Variants in NUP210 observed in about 807,000 individuals in gnomAD.
NUP210 encodes the protein nucleoporin 210.
In NUP210, 151 loss-of-function variants were observed where a neutral mutation model predicts 196.0. The ratio of observed to expected loss-of-function variants is 0.77; its 90% confidence interval spans 0.67 to 0.88. The LOEUF (loss-of-function observed/expected upper bound fraction) is 0.88, where lower values mean the gene tolerates loss of function less well. Ranked by LOEUF, NUP210 falls within the 40% of genes least tolerant of loss-of-function variation. The probability of loss-of-function intolerance (pLI) is 0.00; values close to 1 mark genes in which losing one functional copy is unlikely to be tolerated. For synonymous variants in NUP210, 1,070 were observed against 1,052.7 expected (o/e 1.02, Z -0.32); for missense variants, 2,314 against 2,493.7 (o/e 0.93, Z 1.53).
chr3:13,412,571 G>A (rs540888612), intron 1 of NUP210, among the ~76,000 whole-genome samples: 10 of 151,966 alleles, frequency 6.6e-5, no homozygotes, highest in South Asian at 4.1e-4. Flanking sequence ...AAAATTAGCC[G>A]GGCATGGTGG....
chr3:13,317,817 C>A (rs1487208746), intron 39 of NUP210, 36 bp from the exon 40 acceptor site: 1 of 1,449,674 alleles, frequency 6.9e-7, no homozygotes, highest in Admixed American at 1.9e-5. Context: ...AGCAGCAGAG[C>A]CAGGGAAAGC....
At chr3:13,336,082 G>A (rs2470492) in intron 27 of NUP210, among the ~76,000 whole-genome samples, 1 of 152,208 alleles carries the variant, frequency 6.6e-6, no homozygotes, top group Non-Finnish European at 1.5e-5. Context: ...GTTCCCACTG[G>A]GTGGGGTCGG....
At chr3:13,344,992 G>C in intron 20 of NUP210, 1 of 985,410 alleles carries the variant, frequency 1.0e-6, no homozygotes, top group Non-Finnish European at 1.2e-6. Context: ...GGTGCCATCA[G>C]TGTTGATGGG....
chr3:13,332,222 G>A (rs2124845390), intron 29 of NUP210, 71 bp downstream of exon 29: 1 of 1,254,742 alleles, frequency 8.0e-7, no homozygotes, highest in African/African-American at 1.5e-5. Context: ...TCCTGACAGT[G>A]TTGACACATG....
At chr3:13,322,436 A>C (rs1019021393) in intron 34 of NUP210, 97 bp from the exon 35 acceptor site, 61 of 1,352,628 alleles carry the variant, frequency 4.5e-5, no homozygotes, top group Middle Eastern at 4.5e-4. Flanking sequence ...TGCAAATGCC[A>C]CCTGCCCCTG....
chr3:13,344,049 TTTTA>T (rs1697627158), intron 20 of NUP210, among the ~76,000 whole-genome samples: 1 of 152,204 alleles, frequency 6.6e-6, no homozygotes, highest in Non-Finnish European at 1.5e-5. Context: ...CATTTGTTTA[TTTTA>T]TTTATTATTT....
intron 6 of NUP210, among the ~76,000 whole-genome samples, chr3:13,385,964 T>C (rs971800090): frequency 6.6e-6 from 1 of 152,194 alleles, no homozygotes; most frequent in African/African-American, 2.4e-5. Context: ...ATAAATACTA[T>C]ATGATTCCAC....
chr3:13,355,060 C>G (rs1698122255), intron 16 of NUP210, among the ~76,000 whole-genome samples: 1 of 152,224 alleles, frequency 6.6e-6, no homozygotes, highest in African/African-American at 2.4e-5. Flanking sequence ...TCTCAGTGCC[C>G]AGGCAAGTTA....
Position 13,386,408 on chromosome 3 carries a change from C to G in NUP210, c.685-1G>C, listed in dbSNP as rs1336080837. On this transcript the variant is annotated splice_acceptor_variant, in intron 5 of 39. Coordinates refer to ENST00000254508, the MANE Select transcript of NUP210 (RefSeq NM_024923.4). LOFTEE classifies it high-confidence loss of function. ...GCCTGACTTCTGCAGGGCGTACATT[C>G]TTGGCATAAAGAAAAGGCAGACAAA... 3 of 1,613,780 alleles carry G rather than the reference C, an allele frequency of 1.9e-6. No individual in the cohort carries two copies. In the African/African-American group the frequency reaches 4.0e-5, roughly 22 times the overall value.
intron 15 of NUP210, among the ~76,000 whole-genome samples, chr3:13,358,701 T>C (rs1461713234): frequency 6.6e-6 from 1 of 152,154 alleles, no homozygotes; most frequent in Non-Finnish European, 1.5e-5. Flanking sequence ...AACCCCACGG[T>C]TGCATTAGAA....
At position 13,386,297 on chromosome 3, in the gene NUP210, C is replaced by A. The variant is rs1699271624; in HGVS notation, c.795G>T (p.Lys265Asn). Reference protein sequence around the residue: ...VGTSIHYKVQKIRQGKITELS... With the variant: ...VGTSIHYKVQNIRQGKITELS... The stretch of plus-strand genomic sequence containing the variant: ...CACCTGTAATTTTCCCTTGCCTGAT[C>A]TTCTGCACCTTGTAGTGAATGGAGG... Residue 265 changes from lysine to asparagine, a missense_variant, in exon 6 of 40, where the codon AAG (lysine) becomes AAT (asparagine). Coordinates refer to ENST00000254508, the MANE Select transcript of NUP210 (RefSeq NM_024923.4). 6.2e-7 allele frequency: 1 copy of A among 1,613,966 alleles called. No individual in the cohort carries two copies. Among genetic ancestry groups the A allele is most frequent in the African/African-American group, 1.3e-5 (1 of 74,926 alleles).
At chr3:13,319,425 T>C in intron 37 of NUP210, 100 bp from the exon 38 acceptor site, 1 of 996,432 alleles carries the variant, frequency 1.0e-6, no homozygotes, top group Non-Finnish European at 1.5e-6. Context: ...AGTCCACAGG[T>C]CCCTCTTAGA....
intron 20 of NUP210, 39 bp from the exon 21 acceptor site, chr3:13,343,342 G>GGT: frequency 1.0e-4 from 68 of 655,970 alleles, no homozygotes; most frequent in South Asian, 1.7e-4. Context: ...TGGGTGGTGG[G>GGT]TTACGCAGCT....
intron 27 of NUP210, among the ~76,000 whole-genome samples, chr3:13,336,541 C>T (rs1283751275): frequency 6.6e-6 from 1 of 152,198 alleles, no homozygotes; most frequent in Non-Finnish European, 1.5e-5. Flanking sequence ...CCTCCCAGGA[C>T]TTTTGTGACT....
At chr3:13,351,270 A>G (rs1368199418) in intron 20 of NUP210, among the ~76,000 whole-genome samples, 1 of 152,238 alleles carries the variant, frequency 6.6e-6, no homozygotes, top group Non-Finnish European at 1.5e-5. Context: ...GAAAGGTGAG[A>G]CATCTTTTAA....
At position 13,341,784 on chromosome 3, in the gene NUP210, A is replaced by C. The variant is rs891724294; in HGVS notation, c.3192T>G (p.Ala1064=). Residue 1064 remains alanine, a synonymous_variant, in exon 23 of 40, where the codon GCT becomes GCG. Transcript: ENST00000254508. ...GTGGGGCTGAGTTGATTCTCTGTCC[A>C]GCTTTATTGGTCACACTTGCAGTTA... ...TSLTASVTNK[A]GQRINSAPQQ... 3.1e-6 allele frequency: 5 copies of C among 1,614,110 alleles called. No individual in the cohort carries two copies. Among genetic ancestry groups the C allele is most frequent in the Non-Finnish European group, 4.2e-6 (5 of 1,180,052 alleles).
chr3:13,399,898 T>A, intron 1 of NUP210, 37 bp from the exon 2 acceptor site: 1 of 1,573,282 alleles, frequency 6.4e-7, no homozygotes. Context: ...TCTCTGGAGC[T>A]GCACTGCAAG....
At chr3:13,326,035 AC>A in intron 32 of NUP210, 104 bp from the exon 33 acceptor site, 1 of 1,457,766 alleles carries the variant, frequency 6.9e-7, no homozygotes, top group Non-Finnish European at 9.4e-7. Context: ...GGCTGCCGCT[AC>A]CCCCATGGGG....
In NUP210 at chr3:13,319,072, A is replaced by G; in HGVS notation, c.5563T>C (p.Tyr1855His). The change falls in exon 39 of 40, where the codon TAT becomes CAT. Residue 1855 changes from tyrosine (Y) to histidine (H), a missense_variant and splice_region_variant. Coordinates refer to ENST00000254508, the MANE Select transcript of NUP210 (RefSeq NM_024923.4). ...TTGTGCCTGCAGGGGGGCTACTCAC[A>G]GTGGGGGCTGTGTCCAGGGCTGGCT... ...PRASPGHSPH[Y>H]FAASSPTSPN... 6.2e-7 allele frequency: 1 copy of G among 1,600,610 alleles called. No homozygotes were observed. The highest frequency in any genetic ancestry group is 8.5e-7 in the Non-Finnish European group (1 of 1,175,134).
Sources: gnomAD v4.1 joint callset for allele counts (sites outside exome capture counted in the v4.1 genomes callset) on GRCh38, gnomAD v4.1.1 for gene constraint, MANE v1.5 for transcripts, NCBI Gene and HGNC (gene_info 2026-07-23, HGNC 2026-07-21) for gene names.